ATF7IP: variants seen among roughly 807,000 people sequenced by gnomAD.
ATF7IP encodes the protein activating transcription factor 7-interacting protein 1.
In ATF7IP, 23 loss-of-function variants were observed where a neutral mutation model predicts 106.4. The ratio of observed to expected loss-of-function variants is 0.22; its 90% CI spans 0.16 to 0.31. The LOEUF (loss-of-function observed/expected upper bound fraction) is 0.31. Ranked by LOEUF, ATF7IP falls within the 10% of genes least tolerant of loss-of-function variation. ATF7IP has a pLI of 1.00. For synonymous variants in ATF7IP, 542 were observed against 539.0 expected, an observed-to-expected ratio of 1.01 and a Z score of -0.08; for missense variants, 1,334 against 1,524.3, an observed-to-expected ratio of 0.88 and a Z score of 2.08.
chr12:14,382,325 C>T (rs952049561), intron 1 of ATF7IP, among the ~76,000 whole-genome samples: 1 of 152,186 alleles, frequency 6.6e-6, no homozygotes, highest in Non-Finnish European at 1.5e-5. Context: ...TGTAAATAAA[C>T]GATTGGTCTC....
intron 1 of ATF7IP, among the ~76,000 whole-genome samples, chr12:14,417,254 A>G (rs1941254545): frequency 6.6e-6 from 1 of 152,184 alleles, no homozygotes; most frequent in African/African-American, 2.4e-5. Flanking sequence ...TTAAGGAGAA[A>G]AGGATGTAGT....
At chr12:14,375,726 G>A (rs916876992) in intron 1 of ATF7IP, among the ~76,000 whole-genome samples, 1 of 152,044 alleles carries the variant, frequency 6.6e-6, no homozygotes. Context: ...GTGTTGTGAG[G>A]GTTAAATATG....
chr12:14,403,821 G>C (rs1940398029), intron 1 of ATF7IP, among the ~76,000 whole-genome samples: 2 of 152,172 alleles, frequency 1.3e-5, no homozygotes, highest in African/African-American at 4.8e-5. Context: ...TCTAGGCTCA[G>C]TTAAATATTT....
intron 1 of ATF7IP, among the ~76,000 whole-genome samples, chr12:14,410,383 A>T (rs1330766117): frequency 6.6e-6 from 1 of 152,162 alleles, no homozygotes; most frequent in Non-Finnish European, 1.5e-5. Flanking sequence ...CAGCATATCT[A>T]CACTGTAGAC....
intron 2 of ATF7IP, among the ~76,000 whole-genome samples, chr12:14,427,198 C>T (rs1941899296): frequency 6.6e-6 from 1 of 152,044 alleles, no homozygotes; most frequent in Non-Finnish European, 1.5e-5. Context: ...TCATAGCTCA[C>T]TGCAGCTTCC....
chr12:14,405,917 G>A (rs1565485756), intron 1 of ATF7IP, among the ~76,000 whole-genome samples: 2 of 152,120 alleles, frequency 1.3e-5, no homozygotes, highest in Non-Finnish European at 1.5e-5. Context: ...ATGTGTAACT[G>A]CTTTGAATAA....
At chr12:14,469,580 A>G (rs1405770314) in intron 10 of ATF7IP, among the ~76,000 whole-genome samples, 7 of 151,898 alleles carry the variant, frequency 4.6e-5, no homozygotes, top group Non-Finnish European at 1.0e-4. Flanking sequence ...ATTGTTTTAT[A>G]TAGTGAAAAA....
At chr12:14,473,138 T>C (rs1337831199) in intron 10 of ATF7IP, among the ~76,000 whole-genome samples, 1 of 152,180 alleles carries the variant, frequency 6.6e-6, no homozygotes, top group African/African-American at 2.4e-5. Flanking sequence ...TTAGGTCTGC[T>C]ATTTTGCTAT....
At chr12:14,422,577 C>T (rs1051299602) in intron 1 of ATF7IP, among the ~76,000 whole-genome samples, 3 of 152,180 alleles carry the variant, frequency 2.0e-5, no homozygotes, top group African/African-American at 7.2e-5. Context: ...TCTTCCAACC[C>T]TAGGTAGTCA....
chr12:14,428,084 G>A (rs912794639), intron 2 of ATF7IP, among the ~76,000 whole-genome samples: 2 of 151,916 alleles, frequency 1.3e-5, no homozygotes, highest in Admixed American at 6.6e-5. Context: ...TCCTATAAGT[G>A]TCTATACAGA....
intron 1 of ATF7IP, among the ~76,000 whole-genome samples, chr12:14,403,302 G>A (rs1215374473): frequency 6.6e-6 from 1 of 152,040 alleles, no homozygotes; most frequent in Admixed American, 6.5e-5. Context: ...ATTATTAGAG[G>A]TGTTTAAAAT....
chr12:14,448,823 G>T (rs1943084532), intron 6 of ATF7IP, among the ~76,000 whole-genome samples: 1 of 152,076 alleles, frequency 6.6e-6, no homozygotes, highest in Non-Finnish European at 1.5e-5. Context: ...GTTATTTTCT[G>T]TTCTTTTGAT....
At chr12:14,461,793 G>T (rs1943648763) in intron 9 of ATF7IP, among the ~76,000 whole-genome samples, 1 of 152,084 alleles carries the variant, frequency 6.6e-6, no homozygotes, top group African/African-American at 2.4e-5. Flanking sequence ...ATGCATTCTT[G>T]AACTTGCTTA....
intron 1 of ATF7IP, among the ~76,000 whole-genome samples, chr12:14,396,132 T>C (rs1210556461): frequency 6.6e-6 from 1 of 152,170 alleles, no homozygotes; most frequent in Non-Finnish European, 1.5e-5. Context: ...AAGAGTTGAA[T>C]AGCAGAGTAA....
intron 11 of ATF7IP, among the ~76,000 whole-genome samples, chr12:14,477,392 A>C (rs1944294330): frequency 6.6e-6 from 1 of 152,124 alleles, no homozygotes; most frequent in Non-Finnish European, 1.5e-5. Flanking sequence ...TATTGCTTTC[A>C]CTTATCTCTA....
chr12:14,486,239 T>C (rs1335291938), intron 13 of ATF7IP, among the ~76,000 whole-genome samples: 1 of 152,198 alleles, frequency 6.6e-6, no homozygotes, highest in Non-Finnish European at 1.5e-5. Flanking sequence ...AAGCCCCTGC[T>C]TTAACTGGAG....
intron 1 of ATF7IP, among the ~76,000 whole-genome samples, chr12:14,396,000 A>G (rs971384835): frequency 3.9e-5 from 6 of 152,224 alleles, no homozygotes; most frequent in Non-Finnish European, 8.8e-5. Context: ...AAAATAATCT[A>G]CTACCATTGC....
At chr12:14,389,367 A>G (rs1939421101) in intron 1 of ATF7IP, among the ~76,000 whole-genome samples, 1 of 152,228 alleles carries the variant, frequency 6.6e-6, no homozygotes, top group African/African-American at 2.4e-5. Context: ...TAGAATGTTG[A>G]CATTACAGAA....
At chr12:14,460,398 T>C (rs1202794260) in intron 8 of ATF7IP, 97 bp from the exon 9 acceptor site, 7 of 1,185,682 alleles carry the variant, frequency 5.9e-6, no homozygotes, top group Non-Finnish European at 8.2e-6. Flanking sequence ...GTCTTTGCAA[T>C]GTATTACGCA....
Sources: allele counts gnomAD v4.1 joint callset (sites outside exome capture counted in the v4.1 genomes callset), GRCh38; gene constraint gnomAD v4.1.1; transcripts MANE v1.5; gene names NCBI Gene and HGNC (gene_info 2026-07-23, HGNC 2026-07-21).